ZFP64: variants seen among roughly 807,000 people sequenced by gnomAD.
ZFP64 encodes the protein zinc finger protein 64.
In ZFP64, 14 loss-of-function variants were observed where a neutral mutation model predicts 51.6. The observed-to-expected ratio is 0.27, with a 90% CI of 0.18 to 0.42. The LOEUF is 0.42. Ranked by LOEUF, ZFP64 falls within the 10% of genes least tolerant of loss-of-function variation. The pLI, the probability that ZFP64 is intolerant of heterozygous loss-of-function variation, is 1.00. For missense variants in ZFP64, 754 were observed against 906.8 expected (o/e 0.83, Z 2.16); for synonymous variants, 375 against 361.4 (o/e 1.04, Z -0.43).
At position 52,191,532 on chromosome 20, in the gene ZFP64, C is replaced by T. The variant is rs905584606; in HGVS notation, c.46+59G>A. On this transcript the variant is annotated intron_variant, in intron 1 of 5. Coordinates refer to ENST00000216923, the MANE Select transcript of ZFP64 (RefSeq NM_018197.3). The surrounding 1 kb of genome is among the most constrained non-coding windows in gnomAD (Gnocchi z 4.3). The stretch of plus-strand genomic sequence containing the variant: ...GCTGCGTCGCAGACGTGCTTGGGCC[C>T]GGGCCCCGGAGCGCGCACTGGGCCC... 3.4e-6 allele frequency: 5 copies of T among 1,491,304 alleles called. No homozygotes were observed. The Admixed American group carries it at 6.6e-5, about 20-fold the overall frequency. 92.4% of individuals were successfully genotyped at this position (1,491,304 alleles called of 1,614,324 possible). A position where few individuals can be genotyped will look rare whatever the true frequency, so the allele number is the denominator to read the frequency against.
intron 5 of ZFP64, chr20:52,105,019 C>G: frequency 8.0e-7 from 1 of 1,253,192 alleles, no homozygotes; most frequent in Non-Finnish European, 1.1e-6. Flanking sequence ...CTGCGCCGGA[C>G]GCTTCGCCCG....
chr20:52,107,575 T>G (rs1285896109), intron 5 of ZFP64, among the ~76,000 whole-genome samples: 1 of 152,206 alleles, frequency 6.6e-6, no homozygotes, highest in Non-Finnish European at 1.5e-5. Flanking sequence ...TGTACCTACA[T>G]GTATTCCTTA....
rs1984345392 is a variant in ZFP64 at position 52,191,269 on chromosome 20, C to T, written c.46+322G>A. On this transcript the variant is annotated intron_variant, in intron 1 of 5. Coordinates refer to ENST00000216923, the MANE Select transcript of ZFP64 (RefSeq NM_018197.3). The surrounding 1 kb of genome is among the most constrained non-coding windows in gnomAD (Gnocchi z 4.3). ...CTCCCTTTCTCCTGCCCGCCCCAAA[C>T]TCCGCCTGATGGGGCGGGAATGCCC... Among the ~76,000 whole-genome samples, 1 of 152,346 alleles carries T rather than the reference C, an allele frequency of 6.6e-6. No homozygotes were observed. The highest frequency in any genetic ancestry group is 2.1e-4 in the South Asian group (1 of 4,832).
At chr20:52,185,541 C>CTCTCTTTATGTCCAATCG (rs1983896863) in intron 2 of ZFP64, among the ~76,000 whole-genome samples, 1 of 150,554 alleles carries the variant, frequency 6.6e-6, no homozygotes, top group Non-Finnish European at 1.5e-5. Context: ...GTGACCAAAC[C>CTCTCTTTATGTCCAATCG]TCCCCTGTAA....
At chr20:52,105,134 G>A (rs769587095) in intron 5 of ZFP64, 61 of 1,422,964 alleles carry the variant, frequency 4.3e-5, no homozygotes, top group South Asian at 1.3e-4. Context: ...CTACTCACCC[G>A]GCTCCCCCGC....
intron 5 of ZFP64, among the ~76,000 whole-genome samples, chr20:52,118,032 A>G (rs1335469049): frequency 6.6e-6 from 1 of 152,032 alleles, no homozygotes; most frequent in African/African-American, 2.4e-5. Context: ...TCCAGGGCTC[A>G]AGCAATCCTC....
At chr20:52,104,193 G>A (rs956025141) in intron 5 of ZFP64, among the ~76,000 whole-genome samples, 5 of 152,196 alleles carry the variant, frequency 3.3e-5, no homozygotes, top group Admixed American at 6.5e-5. Context: ...AAAGGGAAGC[G>A]CCTTAGAAAT....
intron 5 of ZFP64, among the ~76,000 whole-genome samples, chr20:52,114,979 C>T (rs143791091): frequency 1.3e-5 from 2 of 152,046 alleles, no homozygotes; most frequent in East Asian, 1.9e-4. Flanking sequence ...AGGCAGATCA[C>T]GAGGTCAGGA....
rs968607548 is a variant in ZFP64, at chr20:52,090,660, T to A, written c.977-2017A>T. ...CTAAAAATACAAAAATTAGCTGGGC[T>A]TGGTGATGCACACCTGTAATCCCAA... is the stretch of plus-strand genomic sequence containing the variant. On this transcript the variant is annotated intron_variant, in intron 7 of 8. Coordinates refer to the ZFP64 transcript ENST00000361387. 4.9e-4 allele frequency among the ~76,000 whole-genome samples: 75 copies of A among 151,800 alleles called. 2 individuals are homozygous for A. Among genetic ancestry groups the A allele is most frequent in the South Asian group, 2.1e-4 (1 of 4,806 alleles).
rs1170702476 is a variant in ZFP64 at position 52,160,961 on chromosome 20, T to A, written c.512-587A>T. Among the ~76,000 whole-genome samples, 1 of 151,736 alleles carries A rather than the reference T, an allele frequency of 6.6e-6. No homozygotes were observed. Among genetic ancestry groups the A allele is most frequent in the Non-Finnish European group, 1.5e-5 (1 of 67,942 alleles). ...CAAGGCATGGGGATAAGGCAGCAGG[T>A]GAGGGCAGGTGAGTGAGTCGGTGAG... On this transcript the variant is annotated intron_variant, in intron 4 of 5. Coordinates refer to ENST00000216923, the MANE Select transcript of ZFP64 (RefSeq NM_018197.3). This position sits in a 1 kb window ranked among gnomAD's most constrained non-coding sequence, Gnocchi z 4.2.
chr20:52,089,740 CAAAAAA>C (rs35524410), intron 7 of ZFP64, among the ~76,000 whole-genome samples: 4 of 131,414 alleles, frequency 3.0e-5, no homozygotes, highest in South Asian at 5.0e-4. Context: ...GACACTGTCT[CAAAAAA>C]AAAAAAAAAA....
At chr20:52,154,805 T>C (rs909708682) in intron 5 of ZFP64, among the ~76,000 whole-genome samples, 17 of 152,198 alleles carry the variant, frequency 1.1e-4, no homozygotes, top group African/African-American at 3.6e-4. Flanking sequence ...CAACCATGCA[T>C]ATTTGTTTAC....
intron 5 of ZFP64, among the ~76,000 whole-genome samples, chr20:52,111,589 G>T: frequency 6.6e-6 from 1 of 151,818 alleles, no homozygotes; most frequent in Admixed American, 6.6e-5. Context: ...TTCAAACATT[G>T]TCGCTTTGTA....
chr20:52,134,581 C>T (rs373066840), intron 5 of ZFP64, among the ~76,000 whole-genome samples: 108 of 152,292 alleles, frequency 7.1e-4, no homozygotes, highest in African/African-American at 2.3e-3. Context: ...TCACAAACTG[C>T]CTTATGGCTT....
intron 5 of ZFP64, among the ~76,000 whole-genome samples, chr20:52,137,844 A>G (rs191101051): frequency 2.0e-3 from 311 of 152,240 alleles, no homozygotes; most frequent in African/African-American, 7.4e-3. Flanking sequence ...CTTTTTACAC[A>G]GCAGTAGGCA....
intron 3 of ZFP64, 66 bp downstream of exon 3, chr20:52,165,798 G>C: frequency 6.2e-7 from 1 of 1,601,672 alleles, no homozygotes; most frequent in East Asian, 2.2e-5. Flanking sequence ...AACTCATGAG[G>C]AGGAGCCCTG....
At chr20:52,134,218 T>G (rs556336646) in intron 5 of ZFP64, among the ~76,000 whole-genome samples, 1 of 152,030 alleles carries the variant, frequency 6.6e-6, no homozygotes, top group Non-Finnish European at 1.5e-5. Context: ...AAAATACACT[T>G]CAGGCCCCAT....
intron 7 of ZFP64, among the ~76,000 whole-genome samples, chr20:52,090,046 G>C (rs745848091): frequency 3.9e-5 from 6 of 152,118 alleles, no homozygotes; most frequent in Non-Finnish European, 8.8e-5. Flanking sequence ...AAGGACAAGG[G>C]GGAAAAGACG....
At chr20:52,157,486 G>A (rs1959436304) in intron 5 of ZFP64, among the ~76,000 whole-genome samples, 1 of 152,160 alleles carries the variant, frequency 6.6e-6, no homozygotes, top group South Asian at 2.1e-4. Context: ...TTTTTCAGAA[G>A]TAGCTTAGGA....
Sources: allele counts gnomAD v4.1 joint callset (sites outside exome capture counted in the v4.1 genomes callset), GRCh38; gene constraint gnomAD v4.1.1; non-coding constraint Gnocchi (gnomAD v3.1); transcripts MANE v1.5; gene names NCBI Gene and HGNC (gene_info 2026-07-23, HGNC 2026-07-21).